Variants in AP1M2 observed in about 807,000 individuals in gnomAD.
The protein encoded by AP1M2 is adaptor related protein complex 1 subunit mu 2.
A neutral mutation model predicts 54.6 loss-of-function variants in AP1M2; 41 were observed. The observed-to-expected ratio is 0.75, with a 90% CI of 0.59 to 0.97. AP1M2 has a LOEUF of 0.97. Ranked by LOEUF, AP1M2 falls within the 50% of genes least tolerant of loss-of-function variation. The pLI, the probability that AP1M2 is intolerant of heterozygous loss-of-function variation, is 0.00. For missense variants in AP1M2, 507 were observed against 561.2 expected (o/e 0.90, Z 0.98); for synonymous variants, 219 against 215.9 (o/e 1.01, Z -0.13).
chr19:10,572,794 C>T lies in AP1M2; in HGVS notation c.*272G>A, dbSNP rs1230481327. The T allele has an allele frequency of 2.6e-6, 1 of 390,720 alleles. No individual in the cohort carries two copies. The highest frequency in any genetic ancestry group is 4.2e-5 in the East Asian group (1 of 23,872). 24.2% of individuals were successfully genotyped at this position (390,720 alleles called of 1,614,324 possible). A position where few individuals can be genotyped will look rare whatever the true frequency, so the allele number is the denominator to read the frequency against. The stretch of plus-strand genomic sequence containing the variant: ...AGGCAGGTAATTGCAAGAAGGCACT[C>T]GCGAGGAGGACTTCAAGCCCCTCTT... On this transcript the variant is annotated 3_prime_UTR_variant, in exon 12 of 12. Transcript: ENST00000250244.
At chr19:10,580,316 G>C (rs1917396847) in intron 6 of AP1M2, among the ~76,000 whole-genome samples, 1 of 152,002 alleles carries the variant, frequency 6.6e-6, no homozygotes, top group African/African-American at 2.4e-5. Context: ...CTCCCAAAGT[G>C]CTGGGATTAC....
chr19:10,573,616 A>G (rs1224193628), intron 11 of AP1M2, among the ~76,000 whole-genome samples: 1 of 145,490 alleles, frequency 6.9e-6, no homozygotes, highest in Non-Finnish European at 1.5e-5. Context: ...CAAACTCGCG[A>G]CCACCCTAGA....
At chr19:10,583,382 T>C (rs556759973) in intron 3 of AP1M2, among the ~76,000 whole-genome samples, 78 of 151,226 alleles carry the variant, frequency 5.2e-4, no homozygotes, top group Non-Finnish European at 1.0e-3. Context: ...GCGTGGTGGC[T>C]CCCATGCTTT....
At chr19:10,578,851 C>T (rs376506008) in intron 8 of AP1M2, 41 bp downstream of exon 8, 35 of 1,550,768 alleles carry the variant, frequency 2.3e-5, no homozygotes, top group East Asian at 7.0e-5. Context: ...CGCACCCACC[C>T]GAGATCATGC....
rs1050292335 is a variant in AP1M2 at position 10,576,053 on chromosome 19, C to G, written c.1048-1024G>C. On this transcript the variant is annotated intron_variant, in intron 9 of 11. Coordinates refer to ENST00000250244, the MANE Select transcript of AP1M2 (RefSeq NM_005498.5). ...CTCCCAAAGTGCTGGGAATTACAGG[C>G]GTGAGCCACTGCGCCTGGCCTTGTA... 2.0e-5 allele frequency among the ~76,000 whole-genome samples: 3 copies of G among 149,340 alleles called. 1 individual carries two copies. The highest frequency in any genetic ancestry group is 7.4e-5 in the African/African-American group (3 of 40,524).
chr19:10,579,012 C>CT (rs760279582), intron 7 of AP1M2, 49 bp from the exon 8 acceptor site: 14 of 930,574 alleles, frequency 1.5e-5, no homozygotes, highest in South Asian at 3.4e-5. Context: ...TGTTGACTCT[C>CT]TTCTTTTTTT....
chr19:10,576,177 C>T (rs1211914023), intron 9 of AP1M2, among the ~76,000 whole-genome samples: 2 of 150,744 alleles, frequency 1.3e-5, no homozygotes, highest in African/African-American at 4.9e-5. Context: ...CTGCAACCTC[C>T]GCCTCCCGGG....
At chr19:10,579,495 C>T (rs561384331) in intron 7 of AP1M2, among the ~76,000 whole-genome samples, 2 of 151,846 alleles carry the variant, frequency 1.3e-5, no homozygotes, top group South Asian at 2.1e-4. Flanking sequence ...CCTGGGATTA[C>T]AGCATGTGCC....
At position 10,581,354 on chromosome 19, in the gene AP1M2, G is replaced by A. The variant is rs367913152; in HGVS notation, c.585C>T (p.Val195=). The A allele has an allele frequency of 1.2e-5, 19 of 1,613,296 alleles. No homozygotes were observed. The African/African-American group carries it at 1.2e-4, about 10-fold the overall frequency. The change falls in exon 6 of 12, where the codon GTC becomes GTT. Residue 195 remains valine (V), a synonymous_variant. Transcript: ENST00000250244. ...ANGSVLLSEI[V]GTIKLKVFLS... ...GAAACACCTTGAGCTTGATGGTACC[G>A]ACGATTTCGCTCAGAAGGACGCTGC... is the stretch of plus-strand genomic sequence containing the variant.
intron 7 of AP1M2, 44 bp from the exon 8 acceptor site, chr19:10,579,007 A>T (rs776594603): frequency 1.5e-4 from 178 of 1,164,774 alleles, no homozygotes; most frequent in Admixed American, 1.1e-3. Context: ...CTCCATGTTG[A>T]CTCTCTTCTT....
chr19:10,584,075 G>A lies in AP1M2; in HGVS notation c.43-5C>T. Reference sequence around the variant, plus strand: ...GTAGTTGCGGCTGATCAATGGCTGAGGGTGGAAGGAAAGGACCTGGTCACC... The same window carrying A: ...GTAGTTGCGGCTGATCAATGGCTGAAGGTGGAAGGAAAGGACCTGGTCACC... On this transcript the variant is annotated splice_polypyrimidine_tract_variant and splice_region_variant and intron_variant, in intron 1 of 11. Coordinates refer to ENST00000250244, the MANE Select transcript of AP1M2 (RefSeq NM_005498.5). 1 of 1,607,512 alleles carries A rather than the reference G, an allele frequency of 6.2e-7. No homozygotes were observed. Among genetic ancestry groups the A allele is most frequent in the Non-Finnish European group, 8.5e-7 (1 of 1,177,316 alleles).
rs1466253447 is a variant in AP1M2, at chr19:10,581,780, G to C, written c.366C>G (p.Phe122Leu). 2.5e-6 allele frequency: 4 copies of C among 1,613,734 alleles called. No homozygotes were observed. The highest frequency in any genetic ancestry group is 2.5e-6 in the Non-Finnish European group (3 of 1,179,960). The change falls in exon 4 of 12, where the codon TTC (phenylalanine) becomes TTG (leucine). Residue 122 changes from phenylalanine (F) to leucine (L), a missense_variant. Phe to Leu is a conservative substitution (Grantham distance 22, BLOSUM62 0). Coordinates refer to ENST00000250244, the MANE Select transcript of AP1M2 (RefSeq NM_005498.5). ...ELLDELMDFG[F>L]PQTTDSKILQ... ...GGATCTTGCTGTCGGTGGTCTGCGG[G>C]AAGCCAAAGTCCATGAGCTCGTCCA...
Position 10,572,791 on chromosome 19 carries a change from A to C in AP1M2, c.*275T>G. 1.1e-5 allele frequency: 4 copies of C among 375,288 alleles called. No individual in the cohort carries two copies. The highest frequency in any genetic ancestry group is 4.9e-6 in the Non-Finnish European group (1 of 204,426). 23.2% of individuals were successfully genotyped at this position (375,288 alleles called of 1,614,324 possible). On this transcript the variant is annotated 3_prime_UTR_variant, in exon 12 of 12. Coordinates refer to ENST00000250244, the MANE Select transcript of AP1M2 (RefSeq NM_005498.5). ...CTAAGGCAGGTAATTGCAAGAAGGC[A>C]CTCGCGAGGAGGACTTCAAGCCCCT...
rs200315690 is a variant in AP1M2, at chr19:10,577,198, C to T, written c.1047G>A (p.Pro349=). The T allele has an allele frequency of 8.1e-5, 130 of 1,610,244 alleles. No homozygotes were observed. Among genetic ancestry groups the T allele is most frequent in the Non-Finnish European group, 8.6e-5 (101 of 1,178,428 alleles). The change falls in exon 9 of 12, where the codon CCG becomes CCA. Residue 349 remains proline (P), a splice_region_variant and synonymous_variant. Transcript: ENST00000250244. The part of the protein sequence containing the change: ...NVVIWSIKSF[P]GGKEYLMRAH... ...TCCCCCGCCAGTCCCTGGTACTTAC[C>T]GGGAAAGACTTAATACTCCAAATCA...
chr19:10,579,030 T>TC, intron 7 of AP1M2, 67 bp from the exon 8 acceptor site: 1 of 1,287,628 alleles, frequency 7.8e-7, no homozygotes. Flanking sequence ...TTTTTTTTTT[T>TC]TTTTCTTTCT....
Position 10,583,661 on chromosome 19 carries a change from G to A in AP1M2, c.212C>T (p.Thr71Ile). Residue 71 changes from threonine to isoleucine, a missense_variant, in exon 3 of 12, where the codon ACA becomes ATA. Thr to Ile is a moderately conservative substitution (Grantham distance 89, BLOSUM62 -1). Transcript: ENST00000250244. ...CAGGGAGGCATTGGCATTCTTCGAT[G>A]TGGTGGCCACCACTGGGGCAGCAAG... ...KHSNLYLVAT[T>I]SKNANASLVY... 1 of 1,613,450 alleles carries A rather than the reference G, an allele frequency of 6.2e-7. No homozygotes were observed. The highest frequency in any genetic ancestry group is 8.5e-7 in the Non-Finnish European group (1 of 1,179,542).
chr19:10,577,392 G>T (rs373602827), intron 8 of AP1M2, 36 bp from the exon 9 acceptor site: 3 of 1,410,454 alleles, frequency 2.1e-6, no homozygotes, highest in African/African-American at 1.5e-5. Context: ...CGAAGAATTC[G>T]CTTGCTCATC....
At chr19:10,583,854 C>T (rs1473631958) in intron 2 of AP1M2, 60 bp downstream of exon 2, 3 of 1,543,568 alleles carry the variant, frequency 1.9e-6, no homozygotes, top group South Asian at 1.2e-5. Context: ...TTGGCCTGAG[C>T]TGCCACCATC....
In AP1M2 at chr19:10,572,997, C is replaced by A; in HGVS notation, c.*69G>T. 2 of 1,496,400 alleles carry A rather than the reference C, an allele frequency of 1.3e-6. No individual in the cohort carries two copies. 92.7% of individuals were successfully genotyped at this position (1,496,400 alleles called of 1,614,324 possible). A position where few individuals can be genotyped will look rare whatever the true frequency, so the allele number is the denominator to read the frequency against. ...ACAGACACACACAGCCCGCACCTGC[C>A]CTCCCTCTAAAATCTGCATCCGGGG... On this transcript the variant is annotated 3_prime_UTR_variant, in exon 12 of 12. Transcript: ENST00000250244.
Sources: allele counts gnomAD v4.1 joint callset (sites outside exome capture counted in the v4.1 genomes callset), GRCh38; gene constraint gnomAD v4.1.1; transcripts MANE v1.5; gene names NCBI Gene and HGNC (gene_info 2026-07-23, HGNC 2026-07-21).